CAMK2B: variants seen among roughly 807,000 people sequenced by gnomAD.
The protein encoded by CAMK2B is calcium/calmodulin dependent protein kinase II beta, also known as calcium/calmodulin-dependent protein kinase type II subunit beta.
A neutral mutation model predicts 93.7 loss-of-function variants in CAMK2B; 27 were observed. The observed-to-expected ratio is 0.29, with a 90% CI of 0.21 to 0.40. The LOEUF is 0.40. Among genes scored for constraint, CAMK2B ranks in the 10% least tolerant of loss-of-function variants. The pLI, the probability that CAMK2B is intolerant of heterozygous loss-of-function variation, is 1.00. For missense variants in CAMK2B, 568 were observed against 895.8 expected, an observed-to-expected ratio of 0.63 and a Z score of 4.67; for synonymous variants, 374 against 358.8, an observed-to-expected ratio of 1.04 and a Z score of -0.48.
At chr7:44,287,344 C>T (rs777162928) in intron 1 of CAMK2B, among the ~76,000 whole-genome samples, 2 of 152,216 alleles carry the variant, frequency 1.3e-5, no homozygotes, top group Non-Finnish European at 2.9e-5. Flanking sequence ...TTACCCACCA[C>T]TTCCCCTAAA....
chr7:44,309,560 A>G lies in CAMK2B; in HGVS notation c.65+15797T>C, dbSNP rs540613478. 6.6e-5 allele frequency among the ~76,000 whole-genome samples: 10 copies of G among 152,290 alleles called. No individual in the cohort carries two copies. In the East Asian group the frequency reaches 1.7e-3, roughly 26 times the overall value. On this transcript the variant is annotated intron_variant, in intron 1 of 23. Transcript: ENST00000395749. ...CATGGGGAGGGCCCTCGGGAAGGACAGGCAGAAGCGGTCCCCATCCGAGGA... is the reference window on the plus strand; with the variant it reads ...CATGGGGAGGGCCCTCGGGAAGGACGGGCAGAAGCGGTCCCCATCCGAGGA...
chr7:44,312,038 C>T lies in CAMK2B; in HGVS notation c.65+13319G>A, dbSNP rs1793700397. ...CCACAGCCCAGAGGGGGAAACTGAG[C>T]CCCAGTGTGTGCTTCCTGCTGGTGA... is the stretch of plus-strand genomic sequence containing the variant. On this transcript the variant is annotated intron_variant, in intron 1 of 23. Transcript: ENST00000395749. This position sits in a 1 kb window ranked among gnomAD's most constrained non-coding sequence, Gnocchi z 4.1. 6.6e-6 allele frequency among the ~76,000 whole-genome samples: 1 copy of T among 152,208 alleles called. No homozygotes were observed. Among genetic ancestry groups the T allele is most frequent in the Admixed American group, 6.5e-5 (1 of 15,288 alleles).
In CAMK2B at chr7:44,262,854, G is replaced by T. The variant is rs2096891094; in HGVS notation, c.220+151C>A. ...CCTCAAGGTCAGGGGAGAAGAGGGG[G>T]CGTCCTCAGGGGCTTCTGGTGGGAT... On this transcript the variant is annotated intron_variant, in intron 3 of 23. Transcript: ENST00000395749. 6 of 624,182 alleles carry T rather than the reference G, an allele frequency of 9.6e-6. No homozygotes were observed. In the South Asian group the frequency reaches 1.1e-4, roughly 11 times the overall value. The allele number at this position is 624,182 out of a possible 1,614,324, so 38.7% of individuals were successfully genotyped here.
chr7:44,244,701 C>T (rs913051084), intron 6 of CAMK2B, among the ~76,000 whole-genome samples: 1 of 151,378 alleles, frequency 6.6e-6, no homozygotes, highest in African/African-American at 2.4e-5. Flanking sequence ...AAGTGACCCC[C>T]AGAATGAATG....
Position 44,225,816 on chromosome 7 carries a change from A to G in CAMK2B, c.1597+700T>C. 3.9e-6 allele frequency: 5 copies of G among 1,289,156 alleles called. No homozygotes were observed. The highest frequency in any genetic ancestry group is 5.1e-6 in the Non-Finnish European group (5 of 988,680). 79.9% of individuals were successfully genotyped at this position (1,289,156 alleles called of 1,614,324 possible). A position where few individuals can be genotyped will look rare whatever the true frequency, so the allele number is the denominator to read the frequency against. On this transcript the variant is annotated intron_variant, in intron 20 of 23. Transcript: ENST00000395749. This position sits in a 1 kb window ranked among gnomAD's most constrained non-coding sequence, Gnocchi z 5.0. ...GTGGCCCAGCAGCCTCTTCTCTAAG[A>G]GTATCTCCACACCACCCCCAGTCTG...
intron 13 of CAMK2B, among the ~76,000 whole-genome samples, chr7:44,237,566 T>G (rs1400899839): frequency 1.3e-5 from 2 of 152,228 alleles, no homozygotes; most frequent in African/African-American, 4.8e-5. Context: ...CCGGCCCTCC[T>G]GAGTGCATGG....
rs2096753854 is a variant in CAMK2B at position 44,248,754 on chromosome 7, T to C, written c.342-1562A>G. ...GGTCCCATCTGTACAGCGTCAGCCATTGCATTAAAAAGTGAATCTGAGTTT... is the reference window on the plus strand; with the variant it reads ...GGTCCCATCTGTACAGCGTCAGCCACTGCATTAAAAAGTGAATCTGAGTTT... On this transcript the variant is annotated intron_variant, in intron 5 of 23. Coordinates refer to ENST00000395749, the MANE Select transcript of CAMK2B (RefSeq NM_001220.5). The surrounding 1 kb of genome is among the most constrained non-coding windows in gnomAD (Gnocchi z 4.1). Among the ~76,000 whole-genome samples, 1 of 152,166 alleles carries C rather than the reference T, an allele frequency of 6.6e-6. No individual in the cohort carries two copies. The highest frequency in any genetic ancestry group is 2.4e-5 in the African/African-American group (1 of 41,434).
chr7:44,246,764 G>A (rs1019130100), intron 6 of CAMK2B, among the ~76,000 whole-genome samples: 26 of 151,778 alleles, frequency 1.7e-4, no homozygotes, highest in Non-Finnish European at 1.9e-4. Flanking sequence ...CCTCCACCCA[G>A]GCATGCACAT....
intron 19 of CAMK2B, among the ~76,000 whole-genome samples, chr7:44,226,953 GCATGTGGGGGGAC>G: frequency 1.4e-4 from 1 of 6,992 alleles, no homozygotes; most frequent in Non-Finnish European, 3.2e-4. Context: ...GGACAGAGGG[GCATGTGGGGGGAC>G]AAAGTGGGGG....
chr7:44,291,220 G>C (rs1283823531), intron 1 of CAMK2B, among the ~76,000 whole-genome samples: 1 of 152,126 alleles, frequency 6.6e-6, no homozygotes, highest in Non-Finnish European at 1.5e-5. Context: ...CGCCAAGTGG[G>C]GAGAGTGTTG....
intron 20 of CAMK2B, 102 bp downstream of exon 20, chr7:44,226,414 C>G: frequency 1.0e-6 from 1 of 987,252 alleles, no homozygotes; most frequent in Non-Finnish European, 1.4e-6. Context: ...GTGCCCCGCC[C>G]TCCTCCGCAA....
At chr7:44,222,896 T>G (rs1471630818) in intron 20 of CAMK2B, among the ~76,000 whole-genome samples, 1 of 152,154 alleles carries the variant, frequency 6.6e-6, no homozygotes, top group Non-Finnish European at 1.5e-5. Context: ...TGCATGTGTG[T>G]GGGGCACTGC....
At chr7:44,300,625 A>C (rs1436842296) in intron 1 of CAMK2B, among the ~76,000 whole-genome samples, 2 of 152,262 alleles carry the variant, frequency 1.3e-5, no homozygotes, top group Non-Finnish European at 2.9e-5. Flanking sequence ...GCATCAAAAT[A>C]TGTGAAGCAA....
chr7:44,234,572 C>T, intron 14 of CAMK2B, 67 bp downstream of exon 14: 1 of 1,603,346 alleles, frequency 6.2e-7, no homozygotes, highest in East Asian at 2.2e-5. Flanking sequence ...GCAGGAGCCC[C>T]AGGGCGTGGG....
At chr7:44,277,041 G>T (rs1294383570) in intron 2 of CAMK2B, among the ~76,000 whole-genome samples, 1 of 152,114 alleles carries the variant, frequency 6.6e-6, no homozygotes, top group East Asian at 1.9e-4. Flanking sequence ...CGCTAACCAG[G>T]GTCACCCCGC....
At chr7:44,309,848 C>T (rs560828537) in intron 1 of CAMK2B, among the ~76,000 whole-genome samples, 5 of 152,390 alleles carry the variant, frequency 3.3e-5, no homozygotes, top group African/African-American at 1.2e-4. Context: ...TCCGCGCAGC[C>T]TTGCAGCGAC....
chr7:44,286,888 C>G lies in CAMK2B; in HGVS notation c.66-2663G>C, dbSNP rs1390567094. ...TGTGGAGTGGGAGCACCAGGCCGCA[C>G]AGCTGTAGTGACATAGGATGTGGCA... is the stretch of plus-strand genomic sequence containing the variant. On this transcript the variant is annotated intron_variant, in intron 1 of 23. Coordinates refer to ENST00000395749, the MANE Select transcript of CAMK2B (RefSeq NM_001220.5). This position sits in a 1 kb window ranked among gnomAD's most constrained non-coding sequence, Gnocchi z 4.0. Among the ~76,000 whole-genome samples the G allele has an allele frequency of 6.6e-6, 1 of 152,044 alleles. No homozygotes were observed. Among genetic ancestry groups the G allele is most frequent in the African/African-American group, 2.4e-5 (1 of 41,374 alleles).
At chr7:44,262,705 C>T (rs2129038337) in intron 3 of CAMK2B, among the ~76,000 whole-genome samples, 1 of 152,264 alleles carries the variant, frequency 6.6e-6, no homozygotes, top group East Asian at 1.9e-4. Context: ...CCGACAAGAC[C>T]CAAAGGACAG....
chr7:44,241,727 T>C lies in CAMK2B; in HGVS notation c.876A>G (p.Lys292=), dbSNP rs745363346. The C allele has an allele frequency of 6.2e-7, 1 of 1,613,782 alleles. No individual in the cohort carries two copies. The highest frequency in any genetic ancestry group is 1.3e-5 in the African/African-American group (1 of 74,914). ...TGAGCTTTCTCCTGGCATTGAACTT[T>C]TTCAGACACTCCACAGTCTCCTGTC... ...MHRQETVECL[K]KFNARRKLKG... is the part of the protein sequence containing the mutation. Residue 292 remains lysine, a synonymous_variant, in exon 11 of 24, where the codon AAA becomes AAG. Coordinates refer to ENST00000395749, the MANE Select transcript of CAMK2B (RefSeq NM_001220.5).
Sources: gnomAD v4.1 joint callset for allele counts (sites outside exome capture counted in the v4.1 genomes callset) on GRCh38, gnomAD v4.1.1 for gene constraint, Gnocchi (gnomAD v3.1) non-coding constraint, MANE v1.5 for transcripts, NCBI Gene and HGNC (gene_info 2026-07-23, HGNC 2026-07-21) for gene names.